The following ITPK1 variants were observed in gnomAD, a reference collection of about 807,000 sequenced individuals.
ITPK1 encodes inositol-tetrakisphosphate 1-kinase.
In ITPK1, 21 loss-of-function variants were observed where a neutral mutation model predicts 45.3. That is an observed-to-expected ratio of 0.46 (90% CI 0.33 to 0.67). The LOEUF is 0.67. ITPK1 is among the 30% of genes least tolerant of loss of function. The pLI is 0.02. For missense variants in ITPK1, 474 were observed against 573.5 expected (o/e 0.83, Z 1.77); for synonymous variants, 258 against 253.6 (o/e 1.02, Z -0.16).
At chr14:93,010,614 T>C (rs1018421551) in intron 4 of ITPK1, among the ~76,000 whole-genome samples, 43 of 152,340 alleles carry the variant, frequency 2.8e-4, no homozygotes, top group Non-Finnish European at 5.3e-4. Context: ...CATCTCCCGT[T>C]TGGGGACACT....
intron 2 of ITPK1, among the ~76,000 whole-genome samples, chr14:93,112,015 C>T (rs1892775885): frequency 6.6e-6 from 1 of 152,208 alleles, no homozygotes; most frequent in Non-Finnish European, 1.5e-5. Context: ...GCTCTAACCA[C>T]CCACTGTTGC....
At chr14:93,039,000 T>C (rs935377096) in intron 3 of ITPK1, among the ~76,000 whole-genome samples, 7 of 152,230 alleles carry the variant, frequency 4.6e-5, no homozygotes, top group Non-Finnish European at 8.8e-5. Flanking sequence ...AGTTTTTCTC[T>C]GAACTGAGCC....
intron 5 of ITPK1, among the ~76,000 whole-genome samples, chr14:92,968,383 A>T (rs1485245618): frequency 2.0e-5 from 3 of 152,164 alleles, no homozygotes; most frequent in Non-Finnish European, 2.9e-5. Context: ...CAATACATTA[A>T]GGGGAAAAAA....
chr14:93,019,364 C>T (rs924729883), intron 3 of ITPK1, among the ~76,000 whole-genome samples: 3 of 152,316 alleles, frequency 2.0e-5, no homozygotes, highest in Non-Finnish European at 2.9e-5. Flanking sequence ...GCCTGAGGCC[C>T]GTAGACCTGA....
intron 4 of ITPK1, among the ~76,000 whole-genome samples, chr14:93,004,080 G>C (rs7147399): frequency 0.021 from 3,123 of 152,314 alleles, 117 homozygotes; most frequent in African/African-American, 0.071. Context: ...TCAAACGCAG[G>C]AGCCAGGGCC....
chr14:93,109,460 T>C (rs952661140), intron 2 of ITPK1, among the ~76,000 whole-genome samples: 3 of 146,628 alleles, frequency 2.0e-5, no homozygotes, highest in African/African-American at 7.3e-5. Flanking sequence ...AATATGTGCA[T>C]GTCTTAAATA....
chr14:93,019,347 G>A lies in ITPK1; in HGVS notation c.121-2546C>T, dbSNP rs1888353154. On this transcript the variant is annotated intron_variant, in intron 3 of 10. Transcript: ENST00000267615. ...GGGGACGCCCTTGGTGTCCTCCCCT[G>A]GCATCAGCCTGAGGCCCGTAGACCT... 2.0e-5 allele frequency among the ~76,000 whole-genome samples: 3 copies of A among 152,318 alleles called. No individual in the cohort carries two copies. In the Middle Eastern group the frequency reaches 0.01, roughly 518 times the overall value.
At chr14:93,084,381 G>A (rs909504492) in intron 2 of ITPK1, among the ~76,000 whole-genome samples, 3 of 152,194 alleles carry the variant, frequency 2.0e-5, no homozygotes, top group African/African-American at 7.2e-5. Context: ...ATCCAGTGAG[G>A]AAAGGGCCCC....
intron 2 of ITPK1, among the ~76,000 whole-genome samples, chr14:93,086,290 CTT>C (rs1225838238): frequency 1.3e-5 from 2 of 152,186 alleles, no homozygotes; most frequent in Non-Finnish European, 2.9e-5. Flanking sequence ...TGCTGACACT[CTT>C]TGAAAGGCTG....
intron 2 of ITPK1, among the ~76,000 whole-genome samples, chr14:93,093,993 ACTT>A (rs1891967263): frequency 6.6e-6 from 1 of 152,202 alleles, no homozygotes; most frequent in South Asian, 2.1e-4. Flanking sequence ...GGTGGACTAA[ACTT>A]CTCTCAGCTC....
intron 3 of ITPK1, among the ~76,000 whole-genome samples, chr14:93,043,955 C>A (rs760897988): frequency 1.6e-4 from 24 of 152,218 alleles, no homozygotes; most frequent in Non-Finnish European, 3.2e-4. Context: ...AATGAAAAAT[C>A]TTTTCCCCTT....
At chr14:92,978,795 G>C (rs958952187) in intron 5 of ITPK1, among the ~76,000 whole-genome samples, 1 of 152,220 alleles carries the variant, frequency 6.6e-6, no homozygotes, top group Non-Finnish European at 1.5e-5. Flanking sequence ...TGGATGTCCA[G>C]ACAGAAGTCT....
chr14:92,992,577 G>T (rs1378269183), intron 5 of ITPK1, among the ~76,000 whole-genome samples: 1 of 152,176 alleles, frequency 6.6e-6, no homozygotes, highest in Non-Finnish European at 1.5e-5. Context: ...AGCCCTTCCA[G>T]GACAGCCAAA....
At chr14:92,994,691 G>C (rs1886962367) in intron 4 of ITPK1, among the ~76,000 whole-genome samples, 1 of 152,182 alleles carries the variant, frequency 6.6e-6, no homozygotes, top group Non-Finnish European at 1.5e-5. Context: ...TAGCGAAGGA[G>C]CCCACCCTTG....
intron 3 of ITPK1, among the ~76,000 whole-genome samples, chr14:93,024,019 G>A (rs913430207): frequency 1.3e-5 from 2 of 152,138 alleles, no homozygotes; most frequent in Non-Finnish European, 1.5e-5. Context: ...TCCTGTCCTG[G>A]GGGGAAAGTA....
intron 5 of ITPK1, among the ~76,000 whole-genome samples, chr14:92,983,947 A>G (rs1186400453): frequency 6.6e-6 from 1 of 152,202 alleles, no homozygotes; most frequent in Non-Finnish European, 1.5e-5. Flanking sequence ...CCTCATCTTC[A>G]TGGGCTAACA....
chr14:92,979,360 T>C (rs1434361624), intron 5 of ITPK1, among the ~76,000 whole-genome samples: 1 of 152,198 alleles, frequency 6.6e-6, no homozygotes, highest in Non-Finnish European at 1.5e-5. Flanking sequence ...ACTTTTGAGT[T>C]AATGCTGGAA....
Position 92,941,391 on chromosome 14 carries a change from C to G in ITPK1, c.*170G>C. 1 of 1,417,510 alleles carries G rather than the reference C, an allele frequency of 7.1e-7. No individual in the cohort carries two copies. Among genetic ancestry groups the G allele is most frequent in the Non-Finnish European group, 9.1e-7 (1 of 1,093,318 alleles). The allele number at this position is 1,417,510 out of a possible 1,614,324, so 87.8% of individuals were successfully genotyped here. On this transcript the variant is annotated 3_prime_UTR_variant, in exon 11 of 11. Coordinates refer to ENST00000267615, the MANE Select transcript of ITPK1 (RefSeq NM_014216.6). ...TGGACCACCTGGTACTCTCTTCCATCCCCCACTACCCCTCATTTAGATCAT... is the reference window on the plus strand; with the variant it reads ...TGGACCACCTGGTACTCTCTTCCATGCCCCACTACCCCTCATTTAGATCAT...
chr14:93,016,630 T>C lies in ITPK1; in HGVS notation c.246+46A>G. 3 of 1,602,436 alleles carry C rather than the reference T, an allele frequency of 1.9e-6. No individual in the cohort carries two copies. Among genetic ancestry groups the C allele is most frequent in the Non-Finnish European group, 2.6e-6 (3 of 1,171,428 alleles). On this transcript the variant is annotated intron_variant, in intron 4 of 10. Transcript: ENST00000267615. This position sits in a 1 kb window ranked among gnomAD's most constrained non-coding sequence, Gnocchi z 5.0. Reference sequence around the variant, plus strand: ...ACGGCCATTCCAGGGCCTCCCCTCCTCCTCCTGAAAATGCCACAGCCAAGG... The same window carrying C: ...ACGGCCATTCCAGGGCCTCCCCTCCCCCTCCTGAAAATGCCACAGCCAAGG...
Sources: gnomAD v4.1 joint callset for allele counts (sites outside exome capture counted in the v4.1 genomes callset) on GRCh38, gnomAD v4.1.1 for gene constraint, Gnocchi (gnomAD v3.1) non-coding constraint, MANE v1.5 for transcripts, NCBI Gene and HGNC (gene_info 2026-07-23, HGNC 2026-07-21) for gene names.